The following ELF1 variants were observed in gnomAD, a reference collection of about 807,000 sequenced individuals.
ELF1 encodes E74 like ETS transcription factor 1.
Under a neutral mutation model 59.9 loss-of-function variants are expected in ELF1, and 24 were observed. That is an observed-to-expected ratio of 0.40 (90% CI 0.29 to 0.56). The LOEUF is 0.56. Ranked by LOEUF, ELF1 falls within the 20% of genes least tolerant of loss-of-function variation. The pLI, the probability that ELF1 is intolerant of heterozygous loss-of-function variation, is 0.44. For synonymous variants in ELF1, 248 were observed against 266.2 expected (o/e 0.93, Z 0.67); for missense variants, 627 against 742.2 (o/e 0.84, Z 1.80).
chr13:40,973,884 A>C (rs547456151), intron 2 of ELF1, among the ~76,000 whole-genome samples: 22 of 152,346 alleles, frequency 1.4e-4, no homozygotes, highest in African/African-American at 5.1e-4. Flanking sequence ...CCTTGATAAC[A>C]GGATGCCAAA....
intron 1 of ELF1, among the ~76,000 whole-genome samples, chr13:40,987,508 C>A (rs1206519560): frequency 6.7e-6 from 1 of 149,126 alleles, no homozygotes; most frequent in Non-Finnish European, 1.5e-5. Context: ...ATTGCTTGAA[C>A]CCAGGAGGCA....
chr13:41,042,965 G>C (rs1370228013), intron 1 of ELF1, among the ~76,000 whole-genome samples: 1 of 152,076 alleles, frequency 6.6e-6, no homozygotes, highest in Non-Finnish European at 1.5e-5. Context: ...TCTCCAGCCT[G>C]TTCTTTCCTG....
Position 40,933,876 on chromosome 13 carries a change from G to A in ELF1, c.1409C>T (p.Ala470Val). ...TGTCATGGGCTGTGATGATGGAATG[G>A]CTTGTAAAATAAACTTCTGAGATCC... The part of the protein sequence containing the change: ...GTGSQKFILQ[A>V]IPSSQPMTVL... The change falls in exon 9 of 9, where the codon GCC (alanine) becomes GTC (valine). Residue 470 changes from alanine to valine, a missense_variant. Coordinates refer to ENST00000239882, the MANE Select transcript of ELF1 (RefSeq NM_172373.4). 6.2e-7 allele frequency: 1 copy of A among 1,614,234 alleles called. No individual in the cohort carries two copies. Among genetic ancestry groups the A allele is most frequent in the South Asian group, 1.1e-5 (1 of 91,084 alleles).
At chr13:40,964,343 T>C (rs1872041639) in intron 2 of ELF1, among the ~76,000 whole-genome samples, 1 of 152,176 alleles carries the variant, frequency 6.6e-6, no homozygotes, top group Non-Finnish European at 1.5e-5. Context: ...AGAAATTTAT[T>C]TTCTCACAGT....
At chr13:41,038,673 T>C (rs1440820782) in intron 1 of ELF1, among the ~76,000 whole-genome samples, 1 of 152,150 alleles carries the variant, frequency 6.6e-6, no homozygotes, top group Non-Finnish European at 1.5e-5. Flanking sequence ...CATTTAAATG[T>C]AAAAGTATGG....
intron 2 of ELF1, among the ~76,000 whole-genome samples, chr13:40,965,979 C>T (rs1365143684): frequency 2.0e-5 from 3 of 152,226 alleles, no homozygotes; most frequent in Admixed American, 1.3e-4. Context: ...TCAGGACCAC[C>T]GCTCTGAAGA....
At chr13:41,013,513 TA>T (rs1331262485) in intron 1 of ELF1, among the ~76,000 whole-genome samples, 1 of 152,074 alleles carries the variant, frequency 6.6e-6, no homozygotes, top group African/African-American at 2.4e-5. Flanking sequence ...GGTAAAACTA[TA>T]AAGAAAAGAT....
At chr13:40,951,245 C>G in intron 4 of ELF1, 84 bp downstream of exon 4, 1 of 1,142,188 alleles carries the variant, frequency 8.8e-7, no homozygotes, top group African/African-American at 1.6e-5. Context: ...AACATCATTT[C>G]TAATCTCTTG....
intron 5 of ELF1, among the ~76,000 whole-genome samples, chr13:40,948,799 T>G (rs1283369065): frequency 6.6e-6 from 1 of 152,276 alleles, no homozygotes; most frequent in South Asian, 2.1e-4. Context: ...TTTTTCCAAC[T>G]GGAGTCTTAT....
At position 41,037,710 on chromosome 13, in the gene ELF1, T is replaced by A. The variant is rs559492101; in HGVS notation, c.-229+23128A>T. ...ACTAGGGAGGCTGAGGCAGGAGAAT[T>A]GCTGGAACCTGGGAGGTGGAGGTTG... On this transcript the variant is annotated intron_variant, in intron 1 of 1. Transcript: ENST00000405737. Among the ~76,000 whole-genome samples, 3 of 151,564 alleles carry A rather than the reference T, an allele frequency of 2.0e-5. No homozygotes were observed. In the South Asian group the frequency reaches 6.3e-4, roughly 32 times the overall value.
chr13:41,016,815 G>A (rs1452414126), intron 1 of ELF1, among the ~76,000 whole-genome samples: 3 of 148,616 alleles, frequency 2.0e-5, no homozygotes, highest in South Asian at 2.1e-4. Context: ...TTGGGAGGCT[G>A]AGGCAGGAGA....
chr13:40,978,475 C>A (rs1220057008), intron 2 of ELF1, among the ~76,000 whole-genome samples: 1 of 151,630 alleles, frequency 6.6e-6, no homozygotes, highest in Non-Finnish European at 1.5e-5. Flanking sequence ...AAGCAGAAGG[C>A]AAGAAAAGCC....
At chr13:41,009,181 T>C (rs112135142) in intron 1 of ELF1, among the ~76,000 whole-genome samples, 2,668 of 152,116 alleles carry the variant, frequency 0.018, 35 homozygotes, top group Middle Eastern at 0.048. Flanking sequence ...TTGTTTTAAT[T>C]TCTAACATTG....
upstream of ELF1, chr13:41,019,350 C>A: frequency 1.0e-6 from 1 of 985,412 alleles, no homozygotes; most frequent in African/African-American, 1.7e-5. Flanking sequence ...GCTTATGAGT[C>A]ATACATGAAA....
chr13:41,039,835 G>A (rs1353868066), intron 1 of ELF1, among the ~76,000 whole-genome samples: 2 of 152,078 alleles, frequency 1.3e-5, no homozygotes, highest in Non-Finnish European at 2.9e-5. Flanking sequence ...AATAAAATAT[G>A]GAGGGAAAAA....
At chr13:41,047,248 T>C (rs1249215509) in intron 1 of ELF1, among the ~76,000 whole-genome samples, 6 of 152,228 alleles carry the variant, frequency 3.9e-5, no homozygotes, top group Admixed American at 2.6e-4. Flanking sequence ...TCAGAGAAGT[T>C]TGATCGTCTG....
At chr13:40,976,824 C>T (rs934494439) in intron 2 of ELF1, among the ~76,000 whole-genome samples, 1 of 152,182 alleles carries the variant, frequency 6.6e-6, no homozygotes, top group Non-Finnish European at 1.5e-5. Context: ...GGATTACAGG[C>T]ATGAGCCACT....
At position 40,982,134 on chromosome 13, in the gene ELF1, T is replaced by C. The variant is rs373630157; in HGVS notation, c.-80A>G. On this transcript the variant is annotated 5_prime_UTR_variant, in exon 2 of 9. Transcript: ENST00000239882. ...TCAGGCAGCAAAATCCAGTGACTGA[T>C]TTGGGTAAAAAACCCTCAGCTCTGT... 34 of 1,566,146 alleles carry C rather than the reference T, an allele frequency of 2.2e-5. No homozygotes were observed. In the East Asian group the frequency reaches 2.6e-4, roughly 12 times the overall value.
chr13:41,039,329 C>A (rs1448737627), intron 1 of ELF1, among the ~76,000 whole-genome samples: 3 of 135,766 alleles, frequency 2.2e-5, no homozygotes, highest in African/African-American at 5.3e-5. Flanking sequence ...ACAAAAAGTC[C>A]TTTTTTTAAA....
Sources: gnomAD v4.1 joint callset for allele counts (sites outside exome capture counted in the v4.1 genomes callset) on GRCh38, gnomAD v4.1.1 for gene constraint, MANE v1.5 for transcripts, NCBI Gene and HGNC (gene_info 2026-07-23, HGNC 2026-07-21) for gene names.